The following PTPRS variants were observed in gnomAD, a reference collection of about 807,000 sequenced individuals.
PTPRS encodes the protein protein tyrosine phosphatase receptor type S.
Under a neutral mutation model 215.3 loss-of-function variants are expected in PTPRS, and 63 were observed. The ratio of observed to expected loss-of-function variants is 0.29; its 90% CI spans 0.24 to 0.36. The LOEUF (loss-of-function observed/expected upper bound fraction) is 0.36. Among genes scored for constraint, PTPRS ranks in the 10% least tolerant of loss-of-function variants. PTPRS has a pLI of 1.00. For missense variants in PTPRS, 2,258 were observed against 2,825.8 expected (o/e 0.80, Z 4.56); for synonymous variants, 1,404 against 1,191.4 (o/e 1.18, Z -3.68).
Position 5,246,071 on chromosome 19 carries a change from G to A in PTPRS, c.719-26C>T, listed in dbSNP as rs763924947. 35 of 1,404,524 alleles carry A rather than the reference G, an allele frequency of 2.5e-5. No individual in the cohort carries two copies. In the South Asian group the frequency reaches 2.9e-4, roughly 12 times the overall value. 87.0% of individuals were successfully genotyped at this position (1,404,524 alleles called of 1,614,324 possible). A position where few individuals can be genotyped will look rare whatever the true frequency, so the allele number is the denominator to read the frequency against. On this transcript the variant is annotated intron_variant, in intron 9 of 37. Coordinates refer to ENST00000262963, the MANE Select transcript of PTPRS (RefSeq NM_002850.4). ...CTGGGGAGGGGGCGGCAGTGGCGGC[G>A]GGAGGGAGATGCGAGGGGTGAGGTG... is the stretch of plus-strand genomic sequence containing the variant.
chr19:5,266,805 T>C (rs908914771), intron 4 of PTPRS, among the ~76,000 whole-genome samples: 4 of 152,146 alleles, frequency 2.6e-5, no homozygotes, highest in African/African-American at 9.7e-5. Flanking sequence ...CCAGTCACCC[T>C]GGCCTCCACG....
chr19:5,269,863 G>A (rs1041063616), intron 4 of PTPRS, among the ~76,000 whole-genome samples: 5 of 146,704 alleles, frequency 3.4e-5, no homozygotes, highest in African/African-American at 1.3e-4. Flanking sequence ...GGAGGTTGCA[G>A]TGAGCCAAGA....
In PTPRS at chr19:5,299,928, T is replaced by C. The variant is rs182336367; in HGVS notation, c.-94-13694A>G. On this transcript the variant is annotated intron_variant, in intron 1 of 37. Transcript: ENST00000262963. ...AAAAGGACCACTAGCCACATGTGAC[T>C]CATTAAACTTAAATGAAGAAAAATT... is the stretch of plus-strand genomic sequence containing the variant. 2.7e-3 allele frequency among the ~76,000 whole-genome samples: 406 copies of C among 151,754 alleles called. 5 individuals carry two copies. Among genetic ancestry groups the C allele is most frequent in the African/African-American group, 9.5e-3 (391 of 41,370 alleles).
intron 1 of PTPRS, among the ~76,000 whole-genome samples, chr19:5,298,710 C>G (rs911255440): frequency 3.9e-5 from 6 of 152,262 alleles, no homozygotes; most frequent in African/African-American, 1.4e-4. Flanking sequence ...CCACCACAGG[C>G]ACGCCCCAGC....
intron 30 of PTPRS, among the ~76,000 whole-genome samples, chr19:5,214,081 C>T (rs1187812628): frequency 6.6e-6 from 1 of 152,128 alleles, no homozygotes; most frequent in Admixed American, 6.5e-5. Context: ...GCAAAGAGGA[C>T]CTGGGGCATG....
chr19:5,245,337 G>A (rs2044389490), intron 10 of PTPRS, among the ~76,000 whole-genome samples: 1 of 151,734 alleles, frequency 6.6e-6, no homozygotes. Context: ...TGCCCAGGCT[G>A]GACTGCAGTA....
chr19:5,299,486 C>G (rs1206135129), intron 1 of PTPRS, among the ~76,000 whole-genome samples: 1 of 152,210 alleles, frequency 6.6e-6, no homozygotes, highest in African/African-American at 2.4e-5. Context: ...CCACCTGGCT[C>G]AAGCAGCACC....
chr19:5,258,489 G>T (rs1202490267), intron 7 of PTPRS, among the ~76,000 whole-genome samples: 1 of 152,124 alleles, frequency 6.6e-6, no homozygotes, highest in Non-Finnish European at 1.5e-5. Context: ...GGAAAGAGTG[G>T]GTTGGCATTC....
intron 4 of PTPRS, among the ~76,000 whole-genome samples, chr19:5,272,595 C>CAAAAAAAAAAAAAAAAAAAAAAAAAAAAA (rs10527451): frequency 2.7e-5 from 2 of 73,438 alleles, no homozygotes; most frequent in Non-Finnish European, 5.3e-5. Flanking sequence ...AAGACTGTCT[C>CAAAAAAAAAAAAAAAAAAAAAAAAAAAAA]AAAAAAAAAA....
rs1351895585 is a variant in PTPRS, at chr19:5,211,663, G to A, written c.5161C>T (p.Arg1721Trp). 12 of 1,613,994 alleles carry A rather than the reference G, an allele frequency of 7.4e-6. No homozygotes were observed. The highest frequency in any genetic ancestry group is 2.7e-5 in the African/African-American group (2 of 74,918). ...CCCCGGATGGGTTGCAGACAGACCC[G>A]TGTGCTCTCATAGGGCATGATGTTC... ...LVNIMPYEST[R>W]VCLQPIRGVE... The change falls in exon 33 of 38, where the codon CGG (arginine) becomes TGG (tryptophan). Residue 1721 changes from arginine (R) to tryptophan (W), a missense_variant. Transcript: ENST00000262963.
chr19:5,222,937 G>C lies in PTPRS; in HGVS notation c.2855C>G (p.Pro952Arg), dbSNP rs1420265669. 7.7e-6 allele frequency: 12 copies of C among 1,555,216 alleles called. No homozygotes were observed. Among genetic ancestry groups the C allele is most frequent in the African/African-American group, 1.4e-5 (1 of 72,984 alleles). ...SAGTVLLRWL[P>R]PVPAERNGAI... The stretch of plus-strand genomic sequence containing the variant: ...CCCGTTGCGCTCGGCGGGCACGGGT[G>C]GCAGCCAGCGGAGAAGGACGGTCCC... The change falls in exon 18 of 38, where the codon CCA becomes CGA. Residue 952 changes from proline to arginine, a missense_variant. Pro to Arg is a moderately radical substitution (Grantham distance 103). This residue lies in a region of PTPRS where 361 missense variants were observed against 332.6 expected (regional missense o/e 1.09). Transcript: ENST00000262963.
chr19:5,214,519 C>A, intron 29 of PTPRS, 39 bp from the exon 30 acceptor site: 3 of 1,612,640 alleles, frequency 1.9e-6, no homozygotes, highest in African/African-American at 1.3e-5. Context: ...CAGGGACAGG[C>A]TGACTGGCAG....
chr19:5,298,139 C>T (rs1024221562), intron 1 of PTPRS, among the ~76,000 whole-genome samples: 9 of 152,146 alleles, frequency 5.9e-5, no homozygotes, highest in Admixed American at 2.6e-4. Flanking sequence ...GCTTTTCTTT[C>T]GTTCGATGGG....
In PTPRS at chr19:5,223,137, G is replaced by A; in HGVS notation, c.2655C>T (p.Pro885=). Residue 885 remains proline, a synonymous_variant, in exon 18 of 38, where the codon CCC becomes CCT. Transcript: ENST00000262963. ...STPLATLEFP[P]SEDRYTASGV... Reference sequence around the variant, plus strand: ...CTGATGCCGTGTAGCGGTCCTCGGAGGGCGGGAACTCCAGGGTGGCCAGGG... The same window carrying A: ...CTGATGCCGTGTAGCGGTCCTCGGAAGGCGGGAACTCCAGGGTGGCCAGGG... The A allele has an allele frequency of 3.2e-6, 5 of 1,570,930 alleles. No individual in the cohort carries two copies. Among genetic ancestry groups the A allele is most frequent in the South Asian group, 1.2e-5 (1 of 85,818 alleles).
In PTPRS at chr19:5,338,697, G is replaced by A. The variant is rs548204196; in HGVS notation, c.-95+1967C>T. On this transcript the variant is annotated intron_variant, in intron 1 of 37. Coordinates refer to ENST00000262963, the MANE Select transcript of PTPRS (RefSeq NM_002850.4). This position sits in a 1 kb window ranked among gnomAD's most constrained non-coding sequence, Gnocchi z 4.2. ...CAGGCGCGATTGGCAGGGGGAGGGG[G>A]GCACAAAGGAAGGGACCCTGGGAGG... is the stretch of plus-strand genomic sequence containing the variant. Among the ~76,000 whole-genome samples the A allele has an allele frequency of 2.0e-5, 3 of 152,080 alleles. No homozygotes were observed. In the South Asian group the frequency reaches 6.2e-4, roughly 32 times the overall value.
At chr19:5,285,659 A>G (rs118106960) in intron 2 of PTPRS, among the ~76,000 whole-genome samples, 3,875 of 152,298 alleles carry the variant, frequency 0.025, 87 homozygotes, top group Middle Eastern at 0.051. Context: ...GTGATCTCAA[A>G]TAAGTCCTTG....
At chr19:5,308,663 G>C (rs940005399) in intron 1 of PTPRS, among the ~76,000 whole-genome samples, 20 of 152,210 alleles carry the variant, frequency 1.3e-4, no homozygotes, top group African/African-American at 4.8e-4. Flanking sequence ...TGGGGGAAGA[G>C]AGCAGGGTGG....
chr19:5,250,259 C>A (rs1046463724), intron 9 of PTPRS, among the ~76,000 whole-genome samples: 1 of 152,176 alleles, frequency 6.6e-6, no homozygotes, highest in Non-Finnish European at 1.5e-5. Flanking sequence ...GAGGATCATG[C>A]CCATTGGCAC....
At chr19:5,286,618 C>T (rs2048373059) in intron 1 of PTPRS, among the ~76,000 whole-genome samples, 1 of 152,146 alleles carries the variant, frequency 6.6e-6, no homozygotes, top group African/African-American at 2.4e-5. Context: ...TTCCACGAAC[C>T]AGAAGATAGC....
Sources: gnomAD v4.1 joint callset for allele counts (sites outside exome capture counted in the v4.1 genomes callset) on GRCh38, gnomAD v4.1.1 for gene constraint, gnomAD v4.1.1 regional missense constraint, Gnocchi (gnomAD v3.1) non-coding constraint, MANE v1.5 for transcripts, NCBI Gene and HGNC (gene_info 2026-07-23, HGNC 2026-07-21) for gene names.